NLRP5: variants seen among roughly 807,000 people sequenced by gnomAD.
NLRP5 encodes the protein NLR family pyrin domain containing 5.
NLRP5 carries 93 observed loss-of-function variants against 113.1 expected under a neutral mutation model. The ratio of observed to expected loss-of-function variants is 0.82; its 90% confidence interval spans 0.70 to 0.98. The LOEUF is 0.98. Ranked by LOEUF, NLRP5 falls within the 50% of genes least tolerant of loss-of-function variation. The pLI is 0.00. For synonymous variants in NLRP5, 751 were observed against 600.7 expected (o/e 1.25, Z -3.66); for missense variants, 1,808 against 1,514.3 (o/e 1.19, Z -3.22).
At position 56,061,672 on chromosome 19, in the gene NLRP5, T is replaced by C. The variant is rs1984360591; in HGVS notation, c.*144T>C. 9.0e-6 allele frequency: 8 copies of C among 887,814 alleles called. No homozygotes were observed. The East Asian group carries it at 9.9e-5, about 11-fold the overall frequency. The allele number at this position is 887,814 out of a possible 1,614,324, so 55.0% of individuals were successfully genotyped here. On this transcript the variant is annotated 3_prime_UTR_variant, in exon 15 of 15. Transcript: ENST00000390649. ...CTCACAAAGCCCTCAATGGTAGTGA[T>C]TCTTCTGTGTTCACTCTACGTTGGT...
chr19:55,995,347 T>C (rs371622353), upstream of NLRP5, among the ~76,000 whole-genome samples: 6 of 152,228 alleles, frequency 3.9e-5, no homozygotes, highest in East Asian at 9.6e-4. Context: ...ACCCTAGAAC[T>C]TAAAGTATTA....
At chr19:56,024,674 C>CT (rs1167408065) in intron 6 of NLRP5, among the ~76,000 whole-genome samples, 1 of 151,436 alleles carries the variant, frequency 6.6e-6, no homozygotes, top group Non-Finnish European at 1.5e-5. Flanking sequence ...AGGAGCATTG[C>CT]TTGAACCTGG....
chr19:56,046,506 A>G (rs1224974249), intron 11 of NLRP5, among the ~76,000 whole-genome samples: 1 of 149,640 alleles, frequency 6.7e-6, no homozygotes, highest in African/African-American at 2.5e-5. Flanking sequence ...TTCTTTCTCT[A>G]TCTTGTGGAA....
At chr19:56,019,302 A>G in intron 4 of NLRP5, 40 bp from the exon 5 acceptor site, 2 of 1,612,172 alleles carry the variant, frequency 1.2e-6, no homozygotes, top group Non-Finnish European at 1.7e-6. Flanking sequence ...TGACTCAAAT[A>G]ATAAACACAA....
At chr19:55,990,547 C>T in the NLRP5 span, among the ~76,000 whole-genome samples, 3,109 of 152,012 alleles carry the variant, frequency 0.02, 116 homozygotes, top group African/African-American at 0.07. Flanking sequence ...AAAAATTAGG[C>T]CGGGCACGGT....
chr19:56,019,247 T>G, intron 4 of NLRP5, 95 bp from the exon 5 acceptor site: 1 of 1,377,132 alleles, frequency 7.3e-7, no homozygotes, highest in Non-Finnish European at 1.0e-6. Context: ...GGCCAGAAAA[T>G]AAATATGGCA....
intron 11 of NLRP5, among the ~76,000 whole-genome samples, chr19:56,043,239 C>T (rs757487187): frequency 6.6e-6 from 1 of 152,090 alleles, no homozygotes; most frequent in South Asian, 2.1e-4. Context: ...TGGATGCGTT[C>T]CCTGATCACC....
chr19:56,012,893 T>C (rs1982252278), intron 3 of NLRP5, among the ~76,000 whole-genome samples: 1 of 151,742 alleles, frequency 6.6e-6, no homozygotes, highest in Non-Finnish European at 1.5e-5. Flanking sequence ...TTTATATACT[T>C]TCCTTGCTTT....
intron 6 of NLRP5, among the ~76,000 whole-genome samples, chr19:56,021,943 T>A (rs1266663252): frequency 6.6e-6 from 1 of 151,952 alleles, no homozygotes; most frequent in Non-Finnish European, 1.5e-5. Context: ...ATGCCAGGAG[T>A]CAGTGACTAA....
intron 12 of NLRP5, among the ~76,000 whole-genome samples, chr19:56,051,297 A>AT (rs1245235927): frequency 6.6e-6 from 1 of 151,950 alleles, no homozygotes; most frequent in African/African-American, 2.4e-5. Flanking sequence ...GGTTTGAGCG[A>AT]TTTTTCTGCC....
the NLRP5 span, among the ~76,000 whole-genome samples, chr19:55,987,557 G>A: frequency 6.6e-6 from 1 of 152,160 alleles, no homozygotes; most frequent in East Asian, 1.9e-4. Context: ...TGTTTACCAA[G>A]GGAGGAAGCT....
the NLRP5 span, among the ~76,000 whole-genome samples, chr19:55,990,942 T>A: frequency 6.6e-6 from 1 of 152,068 alleles, no homozygotes; most frequent in Non-Finnish European, 1.5e-5. Flanking sequence ...TGAGATCATA[T>A]CACTGTACTC....
At chr19:56,036,943 T>A (rs2123318173) in intron 9 of NLRP5, among the ~76,000 whole-genome samples, 1 of 151,946 alleles carries the variant, frequency 6.6e-6, no homozygotes, top group Middle Eastern at 3.4e-3. Flanking sequence ...GGTGACAGAG[T>A]GAGACTGTCT....
intron 9 of NLRP5, among the ~76,000 whole-genome samples, chr19:56,034,731 G>A (rs61302387): frequency 0.15 from 22,959 of 152,176 alleles, 2,943 homozygotes; most frequent in East Asian, 0.65. Context: ...AAGCAGTCAA[G>A]TGTTACACAC....
intron 8 of NLRP5, 128 bp downstream of exon 8, chr19:56,032,909 T>G: frequency 1.1e-6 from 1 of 932,040 alleles, no homozygotes; most frequent in Non-Finnish European, 1.6e-6. Context: ...ACCAAAGGTG[T>G]AGGAACCAAG....
chr19:56,053,687 G>A lies in NLRP5; in HGVS notation c.3178G>A (p.Val1060Met). ...CGCGTGCTGTGAGAGTCTGTCCTGTGTGATCTCGAGGAGCAGACACCTGAA... is the reference window on the plus strand; with the variant it reads ...CGCGTGCTGTGAGAGTCTGTCCTGTATGATCTCGAGGAGCAGACACCTGAA... The change falls in exon 13 of 15, where the codon GTG becomes ATG. Residue 1060 changes from valine (V) to methionine (M), a missense_variant. Transcript: ENST00000390649. 1 of 1,613,986 alleles carries A rather than the reference G, an allele frequency of 6.2e-7. No individual in the cohort carries two copies. Among genetic ancestry groups the A allele is most frequent in the East Asian group, 2.2e-5 (1 of 44,880 alleles).
intron 11 of NLRP5, among the ~76,000 whole-genome samples, chr19:56,043,021 G>A (rs1334537120): frequency 1.3e-5 from 2 of 152,054 alleles, no homozygotes; most frequent in Non-Finnish European, 2.9e-5. Flanking sequence ...GGGTATTTGG[G>A]TTGGTTCCAC....
At chr19:56,016,754 G>A (rs1177899000) in intron 4 of NLRP5, among the ~76,000 whole-genome samples, 2 of 152,148 alleles carry the variant, frequency 1.3e-5, no homozygotes, top group East Asian at 3.8e-4. Context: ...GTTCCTCAAT[G>A]TTGTAGCAAA....
chr19:55,996,936 G>C (rs185880254), upstream of NLRP5, among the ~76,000 whole-genome samples: 70 of 152,246 alleles, frequency 4.6e-4, no homozygotes, highest in Admixed American at 1.5e-3. Context: ...GGTTGAACTA[G>C]TTTACAGTCC....
Sources: gnomAD v4.1 joint callset for allele counts (sites outside exome capture counted in the v4.1 genomes callset) on GRCh38, gnomAD v4.1.1 for gene constraint, MANE v1.5 for transcripts, NCBI Gene and HGNC (gene_info 2026-07-23, HGNC 2026-07-21) for gene names.